STAU2: variants seen among roughly 807,000 people sequenced by gnomAD.
STAU2 encodes the protein double-stranded RNA-binding protein Staufen homolog 2.
STAU2 carries 20 observed loss-of-function variants against 65.9 expected under a neutral mutation model. That is an observed-to-expected ratio of 0.30 (90% CI 0.21 to 0.44). The LOEUF (loss-of-function observed/expected upper bound fraction) is 0.44, where lower values mean the gene tolerates loss of function less well. STAU2 is among the 20% of genes least tolerant of loss of function. The probability of loss-of-function intolerance (pLI) is 1.00; values close to 1 mark genes in which losing one functional copy is unlikely to be tolerated. For synonymous variants in STAU2, 232 were observed against 233.9 expected (o/e 0.99, Z 0.07); for missense variants, 558 against 683.9 (o/e 0.82, Z 2.05).
intron 13 of STAU2, among the ~76,000 whole-genome samples, chr8:73,508,584 G>A (rs548994420): frequency 6.6e-6 from 1 of 152,314 alleles, no homozygotes; most frequent in South Asian, 2.1e-4. Flanking sequence ...ACAGAGACAT[G>A]AAGTGGGCAC....
intron 1 of STAU2, among the ~76,000 whole-genome samples, chr8:73,740,332 A>G (rs1285396467): frequency 1.3e-5 from 2 of 152,262 alleles, no homozygotes; most frequent in Non-Finnish European, 2.9e-5. Flanking sequence ...GTCCAACTCT[A>G]TAATTCAATA....
intron 12 of STAU2, among the ~76,000 whole-genome samples, chr8:73,556,213 T>C (rs1186963700): frequency 2.6e-5 from 4 of 152,128 alleles, no homozygotes; most frequent in Admixed American, 6.5e-5. Context: ...AACAATTCCA[T>C]ATTATCAGAC....
intron 9 of STAU2, among the ~76,000 whole-genome samples, chr8:73,610,108 GTC>G (rs1812334708): frequency 6.6e-6 from 1 of 151,878 alleles, no homozygotes; most frequent in Non-Finnish European, 1.5e-5. Flanking sequence ...GCAAAACCCT[GTC>G]TCTACAAAAA....
chr8:73,603,986 T>C, intron 9 of STAU2, 123 bp from the exon 10 acceptor site: 2 of 1,064,812 alleles, frequency 1.9e-6, no homozygotes, highest in Middle Eastern at 3.2e-4. Context: ...AAAAGATAAA[T>C]GAGTCATTTA....
rs189721326 is a variant in STAU2 at position 73,583,166 on chromosome 8, A to G, written c.1162-336T>C. Among the ~76,000 whole-genome samples the G allele has an allele frequency of 2.1e-5, 3 of 141,720 alleles. No homozygotes were observed. In the East Asian group the frequency reaches 6.1e-4, roughly 29 times the overall value. 93.0% of individuals were successfully genotyped at this position (141,720 alleles called of 152,430 possible). On this transcript the variant is annotated intron_variant, in intron 11 of 14. Transcript: ENST00000524300. ...AAATAAATCTTTTTTTTTTTTTTTG[A>G]GACAGAGTCTCATTCTGTCGCCCAG...
At chr8:73,472,628 A>T (rs920360812) in intron 13 of STAU2, among the ~76,000 whole-genome samples, 2 of 150,720 alleles carry the variant, frequency 1.3e-5, no homozygotes, top group African/African-American at 4.9e-5. Flanking sequence ...TGCCAAAGAA[A>T]TTTTTTTTTT....
intron 6 of STAU2, among the ~76,000 whole-genome samples, chr8:73,636,879 GAACT>G (rs1322836652): frequency 6.8e-6 from 1 of 147,756 alleles, no homozygotes; most frequent in African/African-American, 2.5e-5. Context: ...AAAAAAAAAG[GAACT>G]AACAGCAAAG....
intron 13 of STAU2, among the ~76,000 whole-genome samples, chr8:73,445,459 T>C (rs1329043821): frequency 6.6e-6 from 1 of 151,990 alleles, no homozygotes; most frequent in Non-Finnish European, 1.5e-5. Flanking sequence ...AAAAACAAAA[T>C]TTTAAGCTTT....
intron 13 of STAU2, among the ~76,000 whole-genome samples, chr8:73,539,829 G>A (rs1179176961): frequency 6.9e-6 from 1 of 145,922 alleles, no homozygotes; most frequent in African/African-American, 2.5e-5. Flanking sequence ...GGGCGACAGA[G>A]TGAAATTCCA....
At chr8:73,486,819 A>AT (rs1255220112) in intron 13 of STAU2, among the ~76,000 whole-genome samples, 3 of 151,204 alleles carry the variant, frequency 2.0e-5, no homozygotes, top group Non-Finnish European at 4.4e-5. Flanking sequence ...CACCTGGATG[A>AT]TTTTTTTATT....
At chr8:73,546,123 C>CTTTTTTTTT (rs71561528) in intron 13 of STAU2, among the ~76,000 whole-genome samples, 22 of 93,316 alleles carry the variant, frequency 2.4e-4, no homozygotes, top group South Asian at 1.3e-3. Flanking sequence ...GTTTGGTTTT[C>CTTTTTTTTT]TTTTTTTTTT....
chr8:73,567,857 G>GT (rs1429927320), intron 12 of STAU2, among the ~76,000 whole-genome samples: 2 of 151,966 alleles, frequency 1.3e-5, no homozygotes, highest in African/African-American at 4.8e-5. Context: ...CGCTGGGGGG[G>GT]AGGGGGGAGT....
At chr8:73,483,886 A>T (rs1820775708) in intron 13 of STAU2, among the ~76,000 whole-genome samples, 1 of 152,122 alleles carries the variant, frequency 6.6e-6, no homozygotes, top group Non-Finnish European at 1.5e-5. Context: ...TTGGTATCAG[A>T]CTTTGACTGA....
intron 13 of STAU2, among the ~76,000 whole-genome samples, chr8:73,469,905 T>TA (rs1819889259): frequency 6.6e-6 from 1 of 152,168 alleles, no homozygotes; most frequent in Non-Finnish European, 1.5e-5. Flanking sequence ...TGTGCAGATA[T>TA]ATTTTTGTTT....
chr8:73,634,957 T>C (rs1814382081), intron 6 of STAU2, among the ~76,000 whole-genome samples: 1 of 152,198 alleles, frequency 6.6e-6, no homozygotes, highest in Admixed American at 6.5e-5. Flanking sequence ...TTATTTTCTA[T>C]CTCCCCCAAC....
intron 12 of STAU2, among the ~76,000 whole-genome samples, chr8:73,571,253 T>C (rs1809063018): frequency 6.6e-6 from 1 of 152,104 alleles, no homozygotes; most frequent in African/African-American, 2.4e-5. Flanking sequence ...AAGCAAGACC[T>C]TAGAGACCTA....
rs142888001 is a variant in STAU2 at position 73,531,976 on chromosome 8, C to T, written c.1530+20036G>A. Among the ~76,000 whole-genome samples, 787 of 152,240 alleles carry T rather than the reference C, an allele frequency of 5.2e-3. 14 individuals carry two copies. Among genetic ancestry groups the T allele is most frequent in the South Asian group, 0.048 (232 of 4,816 alleles). ...CATCACCCTATGTTTTGTAAACCAA[C>T]AATAAAATCCTAAGGCCCCTGCAGC... On this transcript the variant is annotated intron_variant, in intron 13 of 14. Coordinates refer to ENST00000524300, the MANE Select transcript of STAU2 (RefSeq NM_001164380.2).
intron 13 of STAU2, among the ~76,000 whole-genome samples, chr8:73,534,214 G>A (rs1363367882): frequency 6.6e-6 from 1 of 152,210 alleles, no homozygotes; most frequent in East Asian, 1.9e-4. Flanking sequence ...AGTACAGGCA[G>A]CAAGGAGCTG....
At chr8:73,584,762 T>A (rs1810241183) in intron 11 of STAU2, among the ~76,000 whole-genome samples, 2 of 152,106 alleles carry the variant, frequency 1.3e-5, no homozygotes, top group African/African-American at 4.8e-5. Context: ...TTAAGAAGAA[T>A]GCTCTAAAGG....
Sources: allele counts gnomAD v4.1 joint callset (sites outside exome capture counted in the v4.1 genomes callset), GRCh38; gene constraint gnomAD v4.1.1; transcripts MANE v1.5; gene names NCBI Gene and HGNC (gene_info 2026-07-23, HGNC 2026-07-21).